ATP10B: variants seen among roughly 807,000 people sequenced by gnomAD.
The protein encoded by ATP10B is ATPase phospholipid transporting 10B (putative), also known as phospholipid-transporting ATPase VB.
In ATP10B, 122 loss-of-function variants were observed where a neutral mutation model predicts 141.2. That is an observed-to-expected ratio of 0.86 (90% CI 0.75 to 1.00). ATP10B has a LOEUF of 1.00. ATP10B is among the 50% of genes least tolerant of loss of function. The probability of loss-of-function intolerance (pLI) is 0.00; values close to 1 mark genes in which losing one functional copy is unlikely to be tolerated. For missense variants in ATP10B, 1,876 were observed against 1,825.3 expected, an observed-to-expected ratio of 1.03 and a Z score of -0.51; for synonymous variants, 685 against 692.0, an observed-to-expected ratio of 0.99 and a Z score of 0.16.
chr5:160,673,245 T>C (rs1300793056), intron 6 of ATP10B, among the ~76,000 whole-genome samples: 1 of 152,262 alleles, frequency 6.6e-6, no homozygotes, highest in African/African-American at 2.4e-5. Context: ...CAGCTCATTC[T>C]GTGCTTCCAC....
chr5:160,652,301 C>T (rs769995962), intron 7 of ATP10B, among the ~76,000 whole-genome samples: 6 of 151,990 alleles, frequency 3.9e-5, no homozygotes, highest in Non-Finnish European at 5.9e-5. Context: ...CATATGGGTC[C>T]TGCTGGCTGC....
chr5:160,766,682 C>A (rs1235212556), intron 2 of ATP10B, among the ~76,000 whole-genome samples: 1 of 152,114 alleles, frequency 6.6e-6, no homozygotes, highest in Non-Finnish European at 1.5e-5. Context: ...TATCAGAAAT[C>A]ACCACTAAAG....
chr5:160,824,502 C>A (rs1026953491), intron 1 of ATP10B, among the ~76,000 whole-genome samples: 1 of 152,126 alleles, frequency 6.6e-6, no homozygotes, highest in African/African-American at 2.4e-5. Flanking sequence ...AATGGGCCAA[C>A]AATCTGAGAA....
intron 2 of ATP10B, among the ~76,000 whole-genome samples, chr5:160,741,558 G>A (rs761395068): frequency 3.4e-4 from 52 of 152,192 alleles, no homozygotes; most frequent in Non-Finnish European, 6.5e-4. Flanking sequence ...TTGCCAGGAT[G>A]AAATGTAACA....
intron 13 of ATP10B, among the ~76,000 whole-genome samples, chr5:160,624,882 T>A (rs944080311): frequency 9.2e-5 from 14 of 152,210 alleles, no homozygotes; most frequent in Non-Finnish European, 1.3e-4. Flanking sequence ...GTTCTCTTAT[T>A]AATATTTCTC....
At chr5:160,715,806 G>A (rs1231400667) in intron 3 of ATP10B, among the ~76,000 whole-genome samples, 1 of 151,844 alleles carries the variant, frequency 6.6e-6, no homozygotes. Context: ...TTGCCTCCTA[G>A]GTTCAAGCAA....
chr5:160,568,231 G>A (rs1385654748), intron 25 of ATP10B, among the ~76,000 whole-genome samples: 6 of 152,124 alleles, frequency 3.9e-5, no homozygotes. Context: ...GAATTCATAA[G>A]AGAGGTCTGG....
In ATP10B at chr5:160,686,098, T is replaced by G. The variant is rs1213205264; in HGVS notation, c.451A>C (p.Asn151His). The stretch of plus-strand genomic sequence containing the variant: ...TCTTACCTTTCATAAATTCGAATGT[T>G]GGAGCAGTTTATTGCTTTATCAAAG... Reference protein sequence around the residue: ...HRFDKAINCSNIRIYERKEQT... With the variant: ...HRFDKAINCSHIRIYERKEQT... The change falls in exon 6 of 26, where the codon AAC becomes CAC. Residue 151 changes from asparagine to histidine, a missense_variant. Physicochemically the swap from Asn to His is moderately conservative, Grantham distance 68 (BLOSUM62 1). Coordinates refer to ENST00000327245, the MANE Select transcript of ATP10B (RefSeq NM_025153.3). 1 of 1,573,472 alleles carries G rather than the reference T, an allele frequency of 6.4e-7. No individual in the cohort carries two copies.
intron 2 of ATP10B, among the ~76,000 whole-genome samples, chr5:160,725,661 G>A (rs1226342973): frequency 2.0e-5 from 3 of 152,106 alleles, no homozygotes; most frequent in African/African-American, 4.8e-5. Context: ...TAGCCAGGAT[G>A]GTCTCGATCT....
chr5:160,649,548 A>T (rs953198610), intron 7 of ATP10B, among the ~76,000 whole-genome samples: 1 of 152,244 alleles, frequency 6.6e-6, no homozygotes, highest in Non-Finnish European at 1.5e-5. Context: ...ACTTACTGCA[A>T]TGATGGAATG....
At chr5:160,700,499 C>T (rs184392056) in intron 3 of ATP10B, among the ~76,000 whole-genome samples, 31 of 152,286 alleles carry the variant, frequency 2.0e-4, no homozygotes, top group East Asian at 3.9e-4. Context: ...CTTCCCCAAA[C>T]GGCAGCCTGG....
chr5:160,663,408 G>T (rs1762079682), intron 7 of ATP10B, among the ~76,000 whole-genome samples: 1 of 152,230 alleles, frequency 6.6e-6, no homozygotes, highest in South Asian at 2.1e-4. Context: ...AACAATGATA[G>T]ACTGGATTAA....
intron 6 of ATP10B, among the ~76,000 whole-genome samples, chr5:160,674,521 G>T (rs1330905195): frequency 6.6e-6 from 1 of 152,140 alleles, no homozygotes; most frequent in South Asian, 2.1e-4. Context: ...ATCCCAAGGA[G>T]GTCACTGCTC....
chr5:160,571,377 T>G (rs1754865189), intron 24 of ATP10B, among the ~76,000 whole-genome samples: 1 of 152,220 alleles, frequency 6.6e-6, no homozygotes, highest in Non-Finnish European at 1.5e-5. Context: ...TCTTTATTTC[T>G]AAATTTTCTA....
chr5:160,569,281 G>T (rs924309632), intron 25 of ATP10B, among the ~76,000 whole-genome samples: 6 of 152,184 alleles, frequency 3.9e-5, no homozygotes, highest in Non-Finnish European at 7.3e-5. Flanking sequence ...CACTGATTTG[G>T]TGACTTTGCT....
the ATP10B span, among the ~76,000 whole-genome samples, chr5:160,927,063 G>C: frequency 6.6e-6 from 1 of 152,188 alleles, no homozygotes; most frequent in Non-Finnish European, 1.5e-5. Context: ...CCATTTTACA[G>C]AGGGAACAAC....
chr5:160,619,917 C>T (rs1758228203), intron 15 of ATP10B, among the ~76,000 whole-genome samples: 2 of 152,300 alleles, frequency 1.3e-5, no homozygotes, highest in East Asian at 3.9e-4. Context: ...TGGGATTTAA[C>T]ACTAGTTAAC....
At chr5:160,892,612 T>G in the ATP10B span, among the ~76,000 whole-genome samples, 4 of 152,206 alleles carry the variant, frequency 2.6e-5, no homozygotes, top group East Asian at 1.9e-4. Flanking sequence ...ACAAAGAACC[T>G]TCTACAAACC....
At chr5:160,641,498 G>A (rs987512211) in intron 9 of ATP10B, among the ~76,000 whole-genome samples, 1 of 152,204 alleles carries the variant, frequency 6.6e-6, no homozygotes, top group African/African-American at 2.4e-5. Flanking sequence ...TTCTCCAGTA[G>A]GGGAAGCTGA....
Sources: gnomAD v4.1 joint callset for allele counts (sites outside exome capture counted in the v4.1 genomes callset) on GRCh38, gnomAD v4.1.1 for gene constraint, MANE v1.5 for transcripts, NCBI Gene and HGNC (gene_info 2026-07-23, HGNC 2026-07-21) for gene names.